NUP210: variants seen among roughly 807,000 people sequenced by gnomAD.
The protein encoded by NUP210 is nuclear pore membrane glycoprotein 210.
In NUP210, 151 loss-of-function variants were observed where a neutral mutation model predicts 196.0. That is an observed-to-expected ratio of 0.77 (90% CI 0.67 to 0.88). The LOEUF is 0.88. Among genes scored for constraint, NUP210 ranks in the 40% least tolerant of loss-of-function variants. NUP210 has a pLI of 0.00. For synonymous variants in NUP210, 1,070 were observed against 1,052.7 expected, an observed-to-expected ratio of 1.02 and a Z score of -0.32; for missense variants, 2,314 against 2,493.7, an observed-to-expected ratio of 0.93 and a Z score of 1.53.
In NUP210 at chr3:13,379,491, G is replaced by A. The variant is rs1699031197; in HGVS notation, c.976+72C>T. 3.8e-6 allele frequency: 6 copies of A among 1,590,906 alleles called. No homozygotes were observed. The South Asian group carries it at 5.6e-5, about 15-fold the overall frequency. ...ATTTTTAGCCCTGCCGAGCTTTCAG[G>A]GAAAAAAAGACTTGACTTCCAAACA... is the stretch of plus-strand genomic sequence containing the variant. On this transcript the variant is annotated intron_variant, in intron 7 of 39. Coordinates refer to ENST00000254508, the MANE Select transcript of NUP210 (RefSeq NM_024923.4). This position sits in a 1 kb window ranked among gnomAD's most constrained non-coding sequence, Gnocchi z 4.2.
At chr3:13,376,643 T>G (rs73148095) in intron 9 of NUP210, among the ~76,000 whole-genome samples, 5,471 of 152,128 alleles carry the variant, frequency 0.036, 136 homozygotes, top group Middle Eastern at 0.075. Context: ...GAGGCCACCC[T>G]CCCTGCATGG....
intron 1 of NUP210, among the ~76,000 whole-genome samples, chr3:13,412,231 C>CTTTTTTTTTTTTTT (rs71066953): frequency 9.5e-6 from 1 of 104,790 alleles, no homozygotes; most frequent in Admixed American, 9.4e-5. Context: ...TTTTCCTTTT[C>CTTTTTTTTTTTTTT]TTTTTTTTTT....
intron 20 of NUP210, chr3:13,345,268 G>C (rs1697676583): frequency 1.0e-5 from 10 of 978,754 alleles, no homozygotes; most frequent in Non-Finnish European, 1.2e-5. Flanking sequence ...CACTTATTTG[G>C]AAAGTGCTGA....
chr3:13,351,808 A>T, intron 20 of NUP210, 71 bp downstream of exon 20: 1 of 1,001,630 alleles, frequency 1.0e-6, no homozygotes, highest in East Asian at 2.4e-5. Context: ...CAAAATGATC[A>T]ATCAATTAAC....
rs1398777542 is a variant in NUP210 at position 13,347,862 on chromosome 3, A to G, written c.2835+4017T>C. ...CCTCCTGCAGGCTTCAGAAGAGACCAGAGGAACCAGGGCCTGATTGGAGTT... is the reference window on the plus strand; with the variant it reads ...CCTCCTGCAGGCTTCAGAAGAGACCGGAGGAACCAGGGCCTGATTGGAGTT... On this transcript the variant is annotated intron_variant, in intron 20 of 39. Coordinates refer to ENST00000254508, the MANE Select transcript of NUP210 (RefSeq NM_024923.4). The surrounding 1 kb of genome is among the most constrained non-coding windows in gnomAD (Gnocchi z 4.7). Among the ~76,000 whole-genome samples, 3 of 152,222 alleles carry G rather than the reference A, an allele frequency of 2.0e-5. No homozygotes were observed. The highest frequency in any genetic ancestry group is 4.4e-5 in the Non-Finnish European group (3 of 68,028).
chr3:13,418,227 A>C (rs566310207), intron 1 of NUP210, among the ~76,000 whole-genome samples: 13 of 152,378 alleles, frequency 8.5e-5, no homozygotes, highest in African/African-American at 2.9e-4. Context: ...CTCCAGGTGC[A>C]TAAAGCACTA....
At chr3:13,390,221 G>A (rs6783570) in intron 4 of NUP210, among the ~76,000 whole-genome samples, 10,305 of 152,210 alleles carry the variant, frequency 0.068, 622 homozygotes, top group African/African-American at 0.16. Flanking sequence ...TCAGGGTGAC[G>A]GGACATGAGG....
At chr3:13,391,110 T>C in intron 4 of NUP210, 101 bp downstream of exon 4, 1 of 786,112 alleles carries the variant, frequency 1.3e-6, no homozygotes, top group Admixed American at 2.0e-5. Flanking sequence ...CCCAGACTCC[T>C]CAATGACCCA....
chr3:13,337,971 T>C lies in NUP210; in HGVS notation c.3472-54A>G, dbSNP rs1697293383. ...GGGGATGCAGTGCTGGCCAGGGATG[T>C]TTCAGGAAGGGACCCCTCAAGGGAA... On this transcript the variant is annotated intron_variant, in intron 25 of 39. Transcript: ENST00000254508. The C allele has an allele frequency of 3.3e-6, 5 of 1,538,052 alleles. No individual in the cohort carries two copies. In the East Asian group the frequency reaches 9.1e-5, roughly 28 times the overall value.
chr3:13,361,198 C>A (rs1045806627), intron 14 of NUP210, among the ~76,000 whole-genome samples: 1 of 152,218 alleles, frequency 6.6e-6, no homozygotes, highest in African/African-American at 2.4e-5. Flanking sequence ...CACGTATGCA[C>A]GAGCTTCGAG....
chr3:13,413,330 C>T (rs927100885), intron 1 of NUP210, among the ~76,000 whole-genome samples: 19 of 151,826 alleles, frequency 1.3e-4, no homozygotes, highest in African/African-American at 3.4e-4. Flanking sequence ...GTTAGCCGGG[C>T]GTGGTGGCAG....
Position 13,379,796 on chromosome 3 carries a change from C to T in NUP210, c.818-75G>A. On this transcript the variant is annotated intron_variant, in intron 6 of 39. Transcript: ENST00000254508. This position sits in a 1 kb window ranked among gnomAD's most constrained non-coding sequence, Gnocchi z 4.2. The stretch of plus-strand genomic sequence containing the variant: ...GAAATGTTAGAAGCCAATACACTCC[C>T]ACTGCCACCCCGAATCTCTGCACTC... 2 of 1,286,986 alleles carry T rather than the reference C, an allele frequency of 1.6e-6. No homozygotes were observed. The highest frequency in any genetic ancestry group is 3.0e-5 in the African/African-American group (2 of 66,916). The allele number at this position is 1,286,986 out of a possible 1,614,324, so 79.7% of individuals were successfully genotyped here. A position where few individuals can be genotyped will look rare whatever the true frequency, so the allele number is the denominator to read the frequency against.
At chr3:13,395,565 G>A (rs746748356) in intron 3 of NUP210, among the ~76,000 whole-genome samples, 46 of 152,262 alleles carry the variant, frequency 3.0e-4, no homozygotes, top group Middle Eastern at 3.4e-3. Flanking sequence ...TGATCTGCCC[G>A]CCTCGGCCTC....
At position 13,375,611 on chromosome 3, in the gene NUP210, C is replaced by T; in HGVS notation, c.1324G>A (p.Val442Met). Reference sequence around the variant, plus strand: ...ATTTCCACCTCCTGCTGGTTCCACACAGGCACCTGTAGTATGTGGACCCCT... The same window carrying T: ...ATTTCCACCTCCTGCTGGTTCCACATAGGCACCTGTAGTATGTGGACCCCT... ...DGGVHILQVPVWNQQEVEIHI... is the reference protein window; with the variant it reads ...DGGVHILQVPMWNQQEVEIHI... Residue 442 changes from valine (V) to methionine (M), a missense_variant, in exon 11 of 40, where the codon GTG (valine) becomes ATG (methionine). Transcript: ENST00000254508. 1 of 1,614,072 alleles carries T rather than the reference C, an allele frequency of 6.2e-7. No individual in the cohort carries two copies.
At chr3:13,390,167 C>T (rs190032719) in intron 4 of NUP210, among the ~76,000 whole-genome samples, 25 of 152,204 alleles carry the variant, frequency 1.6e-4, no homozygotes, top group African/African-American at 3.4e-4. Flanking sequence ...GCATGGTGGC[C>T]GTGCAGGACA....
At position 13,373,749 on chromosome 3, in the gene NUP210, A is replaced by C. The variant is rs750682784; in HGVS notation, c.1556T>G (p.Val519Gly). 4 of 1,614,128 alleles carry C rather than the reference A, an allele frequency of 2.5e-6. No homozygotes were observed. Among genetic ancestry groups the C allele is most frequent in the Non-Finnish European group, 2.5e-6 (3 of 1,180,000 alleles). Residue 519 changes from valine to glycine, a missense_variant, in exon 12 of 40, where the codon GTG becomes GGG. Coordinates refer to ENST00000254508, the MANE Select transcript of NUP210 (RefSeq NM_024923.4). ...IGFSVIQAHDVQNPLHFGEMK... is the reference protein window; with the variant it reads ...IGFSVIQAHDGQNPLHFGEMK... ...CTCACCGAAATGGAGTGGGTTCTGC[A>C]CATCATGTGCCTGGATCACACTGAA...
intron 1 of NUP210, among the ~76,000 whole-genome samples, chr3:13,408,466 A>G (rs1402444858): frequency 6.6e-6 from 1 of 152,210 alleles, no homozygotes; most frequent in Non-Finnish European, 1.5e-5. Flanking sequence ...TTTACAGACA[A>G]GGCCATCTGG....
chr3:13,375,140 C>G (rs1698855098), intron 11 of NUP210, among the ~76,000 whole-genome samples: 1 of 130,496 alleles, frequency 7.7e-6, no homozygotes, highest in Admixed American at 7.8e-5. Flanking sequence ...TCTATTTTTT[C>G]TCTTTTTTTT....
Position 13,342,151 on chromosome 3 carries a change from G to A in NUP210, c.2965-28C>T, listed in dbSNP as rs116559046. The A allele has an allele frequency of 6.2e-4, 1,004 of 1,612,896 alleles. 8 individuals are homozygous for A. The African/African-American group carries it at 0.012, about 20-fold the overall frequency. ...GCATCATGGGGACAGAGGTTCAGGG[G>A]CAGCCTCCAAAAGACCAATCCTACC... On this transcript the variant is annotated intron_variant, in intron 21 of 39. Transcript: ENST00000254508.
Sources: allele counts gnomAD v4.1 joint callset (sites outside exome capture counted in the v4.1 genomes callset), GRCh38; gene constraint gnomAD v4.1.1; non-coding constraint Gnocchi (gnomAD v3.1); transcripts MANE v1.5; gene names NCBI Gene and HGNC (gene_info 2026-07-23, HGNC 2026-07-21).